The following ITGA10 variants were observed in gnomAD, a reference collection of about 807,000 sequenced individuals.
ITGA10 encodes integrin subunit alpha 10.
A neutral mutation model predicts 145.2 loss-of-function variants in ITGA10; 105 were observed. That is an observed-to-expected ratio of 0.72 (90% CI 0.62 to 0.85). ITGA10 has a LOEUF of 0.85. Among genes scored for constraint, ITGA10 ranks in the 40% least tolerant of loss-of-function variants. ITGA10 has a pLI of 0.00. For missense variants in ITGA10, 1,317 were observed against 1,444.5 expected, an observed-to-expected ratio of 0.91 and a Z score of 1.43; for synonymous variants, 506 against 557.8, an observed-to-expected ratio of 0.91 and a Z score of 1.31.
chr1:145,897,016 G>A lies in ITGA10; in HGVS notation c.2739C>T (p.Ala913=), dbSNP rs1553745395. The change falls in exon 22 of 30, where the codon GCC becomes GCT. Residue 913 remains alanine (A), a synonymous_variant. Transcript: ENST00000369304. ...AAAGTTCCCTTCATTCTCACCTGCT[G>A]GCAGTCAGCTTCACGAAGACCTGGC... The part of the protein sequence containing the change: ...LLSQVFVKLT[A]SSDSLERNGT... 11 of 1,613,550 alleles carry A rather than the reference G, an allele frequency of 6.8e-6. No homozygotes were observed. Among genetic ancestry groups the A allele is most frequent in the Admixed American group, 3.3e-5 (2 of 60,002 alleles).
chr1:145,903,935 T>C, intron 7 of ITGA10, 117 bp downstream of exon 7: 1 of 1,153,976 alleles, frequency 8.7e-7, no homozygotes, highest in South Asian at 1.4e-5. Flanking sequence ...GTGATCCGCC[T>C]GCCTTGCCTC....
rs782616277 is a variant in ITGA10 at position 145,900,083 on chromosome 1, A to G, written c.1896T>C (p.Gly632=). The G allele has an allele frequency of 6.2e-7, 1 of 1,613,640 alleles. No homozygotes were observed. The highest frequency in any genetic ancestry group is 8.5e-7 in the Non-Finnish European group (1 of 1,179,868). ...DGDDLVDVAV[G]AQGAAILLSS... ...TGAGCAGGATGGCTGCCCCCTGGGC[A>G]CCCACAGCCACATCGACCAGATCAT... The change falls in exon 15 of 30, where the codon GGT becomes GGC. Residue 632 remains glycine (G), a synonymous_variant. Coordinates refer to ENST00000369304, the MANE Select transcript of ITGA10 (RefSeq NM_003637.5).
rs1553751701 is a variant in ITGA10 at position 145,907,388 on chromosome 1, T to C, written c.130A>G (p.Ser44Gly). The C allele has an allele frequency of 1.2e-6, 2 of 1,614,194 alleles. No individual in the cohort carries two copies. The highest frequency in any genetic ancestry group is 1.7e-5 in the Admixed American group (1 of 60,026). ...CCACCCCCAACATGTTGTAAGACAC[T>C]GTATCCAAATTCAGCTTCTGGTGGC... ...PGPPEAEFGY[S>G]VLQHVGGGQR... Residue 44 changes from serine (S) to glycine (G), a missense_variant, in exon 2 of 30, where the codon AGT (serine) becomes GGT (glycine). Physicochemically the swap from Ser to Gly is moderately conservative, Grantham distance 56. Coordinates refer to ENST00000369304, the MANE Select transcript of ITGA10 (RefSeq NM_003637.5).
At chr1:145,896,499 A>G (rs1206207104) in intron 23 of ITGA10, 147 bp from the exon 24 acceptor site, 1 of 718,330 alleles carries the variant, frequency 1.4e-6, no homozygotes, top group Non-Finnish European at 2.5e-6. Context: ...ACAGAAGTAG[A>G]ACATGACACA....
intron 14 of ITGA10, 75 bp from the exon 15 acceptor site, chr1:145,900,262 TTTTTA>T (rs1553747560): frequency 7.0e-7 from 1 of 1,422,344 alleles, no homozygotes; most frequent in Non-Finnish European, 9.5e-7. Context: ...TTGCTCTTTC[TTTTTA>T]TTTATTTATT....
chr1:145,899,703 G>T (rs113095114), intron 15 of ITGA10, among the ~76,000 whole-genome samples: 1 of 151,940 alleles, frequency 6.6e-6, no homozygotes, highest in African/African-American at 2.4e-5. Context: ...TAGAGACGGG[G>T]TTTCACCATG....
intron 27 of ITGA10, among the ~76,000 whole-genome samples, 170 bp from the exon 28 acceptor site, chr1:145,893,805 G>GA (rs1553744013): frequency 6.6e-6 from 1 of 152,136 alleles, no homozygotes; most frequent in Admixed American, 6.5e-5. Flanking sequence ...GTAATAGATG[G>GA]AAAACCCCTG....
At position 145,906,480 on chromosome 1, in the gene ITGA10, C is replaced by G. The variant is rs782656864; in HGVS notation, c.395G>C (p.Cys132Ser). Reference sequence around the variant, plus strand: ...CCCAGAACTGAAGACAGAGCTGCCACAAGCACGAGACCAGAGAGGGGCACA... The same window carrying G: ...CCCAGAACTGAAGACAGAGCTGCCAGAAGCACGAGACCAGAGAGGGGCACA... ...MACAPLWSRA[C>S]GSSVFSSGIC... Residue 132 changes from cysteine (C) to serine (S), a missense_variant, in exon 5 of 30, where the codon TGT becomes TCT. Transcript: ENST00000369304. The G allele has an allele frequency of 1.8e-5, 29 of 1,614,032 alleles. No homozygotes were observed. The highest frequency in any genetic ancestry group is 2.4e-5 in the Non-Finnish European group (28 of 1,180,018).
Position 145,892,500 on chromosome 1 carries a change from T to C in ITGA10, c.*298A>G. On this transcript the variant is annotated 3_prime_UTR_variant, in exon 30 of 30. Coordinates refer to ENST00000369304, the MANE Select transcript of ITGA10 (RefSeq NM_003637.5). The stretch of plus-strand genomic sequence containing the variant: ...CCTAGGCAAAAAAATTATTGATTCC[T>C]GGGGATAAAAGGACCCCAAACAAAA... The C allele has an allele frequency of 3.3e-6, 1 of 305,232 alleles. No homozygotes were observed. Among genetic ancestry groups the C allele is most frequent in the East Asian group, 5.6e-5 (1 of 17,718 alleles). 18.9% of individuals were successfully genotyped at this position (305,232 alleles called of 1,614,324 possible).
chr1:145,905,106 C>T (rs1469901682), intron 5 of ITGA10, among the ~76,000 whole-genome samples: 2 of 151,358 alleles, frequency 1.3e-5, no homozygotes, highest in East Asian at 3.9e-4. Flanking sequence ...TTTATATATA[C>T]AATGTTCTAA....
rs2101830665 is a variant in ITGA10, at chr1:145,906,477, C to A, written c.398G>T (p.Gly133Val). The change falls in exon 5 of 30, where the codon GGC becomes GTC. Residue 133 changes from glycine to valine, a missense_variant. By Grantham distance (109) the Gly-to-Val change is moderately radical. Coordinates refer to ENST00000369304, the MANE Select transcript of ITGA10 (RefSeq NM_003637.5). ...ACAPLWSRAC[G>V]SSVFSSGICA... is the part of the protein sequence containing the mutation. ...TATCCCAGAACTGAAGACAGAGCTG[C>A]CACAAGCACGAGACCAGAGAGGGGC... 6.2e-7 allele frequency: 1 copy of A among 1,614,090 alleles called. No homozygotes were observed. The highest frequency in any genetic ancestry group is 1.3e-5 in the African/African-American group (1 of 74,996).
intron 6 of ITGA10, 88 bp from the exon 7 acceptor site, chr1:145,904,288 A>G (rs1553750324): frequency 7.8e-7 from 1 of 1,278,932 alleles, no homozygotes; most frequent in African/African-American, 1.5e-5. Context: ...AGGAGAGATG[A>G]ACACCTGGAT....
In ITGA10 at chr1:145,892,561, A is replaced by G. The variant is rs1654861484; in HGVS notation, c.*237T>C. The G allele has an allele frequency of 2.4e-6, 1 of 423,986 alleles. No individual in the cohort carries two copies. The highest frequency in any genetic ancestry group is 4.2e-6 in the Non-Finnish European group (1 of 239,030). 26.3% of individuals were successfully genotyped at this position (423,986 alleles called of 1,614,324 possible). A position where few individuals can be genotyped will look rare whatever the true frequency, so the allele number is the denominator to read the frequency against. On this transcript the variant is annotated 3_prime_UTR_variant, in exon 30 of 30. Transcript: ENST00000369304. Reference sequence around the variant, plus strand: ...TGGCTATGGAACCAGGATCACGAGGAGGAGGGAAGCAGAGGGTGGGAGCAT... The same window carrying G: ...TGGCTATGGAACCAGGATCACGAGGGGGAGGGAAGCAGAGGGTGGGAGCAT...
Position 145,897,872 on chromosome 1 carries a change from T to G in ITGA10, c.2375A>C (p.Asp792Ala). 1 of 1,614,140 alleles carries G rather than the reference T, an allele frequency of 6.2e-7. No individual in the cohort carries two copies. The highest frequency in any genetic ancestry group is 1.6e-4 in the Middle Eastern group (1 of 6,062). The stretch of plus-strand genomic sequence containing the variant: ...CACCAGGTCTGTGACACATTCATTG[T>G]CAGGGCCACAATCCTTTGAGAAGGG... ...LVPFSKDCGP[D>A]NECVTDLVLQ... Residue 792 changes from aspartate to alanine, a missense_variant, in exon 19 of 30, where the codon GAC becomes GCC. By Grantham distance (126) the Asp-to-Ala change is moderately radical. Coordinates refer to ENST00000369304, the MANE Select transcript of ITGA10 (RefSeq NM_003637.5).
intron 27 of ITGA10, among the ~76,000 whole-genome samples, chr1:145,894,115 CTT>C (rs782196018): frequency 1.5e-4 from 20 of 133,356 alleles, no homozygotes; most frequent in Admixed American, 4.6e-4. Context: ...GTAGTGGTTT[CTT>C]TTTTTTTTTT....
In ITGA10 at chr1:145,907,832, T is replaced by G. The variant is rs1310619304; in HGVS notation, c.53-367A>C. Among the ~76,000 whole-genome samples, 10 of 136,366 alleles carry G rather than the reference T, an allele frequency of 7.3e-5. No individual in the cohort carries two copies. The East Asian group carries it at 2.2e-3, about 30-fold the overall frequency. 89.5% of individuals were successfully genotyped at this position (136,366 alleles called of 152,430 possible). A position where few individuals can be genotyped will look rare whatever the true frequency, so the allele number is the denominator to read the frequency against. ...TCGCCCAGGCTGGAGTGCAGTGGCG[T>G]GATCTCGGCTTACTGCAGGCTCCGC... is the stretch of plus-strand genomic sequence containing the variant. On this transcript the variant is annotated intron_variant, in intron 1 of 29. Transcript: ENST00000369304.
intron 4 of ITGA10, 43 bp downstream of exon 4, chr1:145,906,690 A>G (rs781946328): frequency 2.0e-6 from 3 of 1,487,842 alleles, no homozygotes; most frequent in Non-Finnish European, 2.8e-6. Context: ...TTTTTCTTTT[A>G]TGGACCTTCA....
Position 145,893,589 on chromosome 1 carries a change from G to C in ITGA10, c.3275C>G (p.Thr1092Ser). Residue 1092 changes from threonine (T) to serine (S), a missense_variant, in exon 28 of 30, where the codon ACC becomes AGC. Thr to Ser is a moderately conservative substitution (Grantham distance 58). Transcript: ENST00000369304. ...LTVVSTFELGTEEGSVLQLTE... is the reference protein window; with the variant it reads ...LTVVSTFELGSEEGSVLQLTE... ...CAGCTGTAGGACACTGCCCTCTTCG[G>C]TTCCCAGCTCAAAGGTGCTGACCAC... The C allele has an allele frequency of 1.9e-6, 3 of 1,613,454 alleles. No individual in the cohort carries two copies. The highest frequency in any genetic ancestry group is 1.7e-6 in the Non-Finnish European group (2 of 1,179,768).
In ITGA10 at chr1:145,895,998, T is replaced by C. The variant is rs1553744885; in HGVS notation, c.3018A>G (p.Gln1006=). 3.1e-6 allele frequency: 5 copies of C among 1,613,222 alleles called. No individual in the cohort carries two copies. The East Asian group carries it at 1.1e-4, about 36-fold the overall frequency. Residue 1006 remains glutamine, a synonymous_variant, in exon 25 of 30, where the codon CAA becomes CAG. Coordinates refer to ENST00000369304, the MANE Select transcript of ITGA10 (RefSeq NM_003637.5). Reference sequence around the variant, plus strand: ...CCAGACTCACATTGTTAGTGATGACTTGAGACAGTGATAGGAAGTAATTGC... The same window carrying C: ...CCAGACTCACATTGTTAGTGATGACCTGAGACAGTGATAGGAAGTAATTGC... The part of the protein sequence containing the change: ...HGGNYFLSLS[Q]VITNNASCIV...
Sources: gnomAD v4.1 joint callset for allele counts (sites outside exome capture counted in the v4.1 genomes callset) on GRCh38, gnomAD v4.1.1 for gene constraint, MANE v1.5 for transcripts, NCBI Gene and HGNC (gene_info 2026-07-23, HGNC 2026-07-21) for gene names.